The following NCAPG variants were observed in gnomAD, a reference collection of about 807,000 sequenced individuals.
NCAPG encodes condensin complex subunit 3.
NCAPG carries 69 observed loss-of-function variants against 113.1 expected under a neutral mutation model. The ratio of observed to expected loss-of-function variants is 0.61; its 90% CI spans 0.50 to 0.75. The LOEUF (loss-of-function observed/expected upper bound fraction) is 0.75. NCAPG is among the 30% of genes least tolerant of loss of function. NCAPG has a pLI of 0.00. For synonymous variants in NCAPG, 370 were observed against 415.8 expected (o/e 0.89, Z 1.34); for missense variants, 1,058 against 1,177.0 (o/e 0.90, Z 1.48).
rs1722669004 is a variant in NCAPG, at chr4:17,843,892, T to C, written c.*467T>C. The C allele has an allele frequency of 6.5e-6, 1 of 152,966 alleles. No homozygotes were observed. The highest frequency in any genetic ancestry group is 6.5e-5 in the Admixed American group (1 of 15,444). The allele number at this position is 152,966 out of a possible 1,614,324, so 9.5% of individuals were successfully genotyped here. ...ACCACAAACTGGCTAGAAAGGAGCT[T>C]ATCAATCACCAGTGAGGAAGACCAG... On this transcript the variant is annotated 3_prime_UTR_variant, in exon 21 of 21. Coordinates refer to ENST00000251496, the MANE Select transcript of NCAPG (RefSeq NM_022346.5).
At chr4:17,841,761 C>T (rs906615684) in intron 19 of NCAPG, 7 of 151,996 alleles carry the variant, frequency 4.6e-5, no homozygotes, top group African/African-American at 1.5e-4. Context: ...ATCTTATAAT[C>T]CCCAGTATAT....
intron 14 of NCAPG, among the ~76,000 whole-genome samples, chr4:17,835,758 T>C (rs778909573): frequency 3.9e-5 from 6 of 152,216 alleles, no homozygotes; most frequent in Non-Finnish European, 7.4e-5. Context: ...AAATTTAGCA[T>C]AACATTTTCG....
At chr4:17,842,478 T>TAA (rs1560236529) in intron 20 of NCAPG, 99 bp downstream of exon 20, 1 of 925,432 alleles carries the variant, frequency 1.1e-6, no homozygotes, top group Non-Finnish European at 1.7e-6. Flanking sequence ...AGAGAATATA[T>TAA]AACAAGATAG....
intron 19 of NCAPG, 84 bp from the exon 20 acceptor site, chr4:17,842,226 A>G (rs1722478865): frequency 1.7e-6 from 2 of 1,170,790 alleles, no homozygotes; most frequent in Admixed American, 1.8e-5. Flanking sequence ...GTTGAAGACA[A>G]AGGATTTAGT....
At chr4:17,816,081 TTAGAG>T (rs1424236999) in intron 5 of NCAPG, among the ~76,000 whole-genome samples, 7 of 151,780 alleles carry the variant, frequency 4.6e-5, no homozygotes, top group African/African-American at 1.5e-4. Flanking sequence ...TTTTTTTCTG[TTAGAG>T]TAGAGTTCCC....
chr4:17,822,914 A>G, intron 7 of NCAPG, 69 bp from the exon 8 acceptor site: 1 of 1,322,952 alleles, frequency 7.6e-7, no homozygotes, highest in Non-Finnish European at 1.0e-6. Context: ...TTTCTGACCT[A>G]ATGGTGGGAA....
Position 17,811,604 on chromosome 4 carries a change from G to T in NCAPG, c.111+416G>T, listed in dbSNP as rs1339598774. 6.6e-6 allele frequency among the ~76,000 whole-genome samples: 1 copy of T among 152,142 alleles called. No homozygotes were observed. The highest frequency in any genetic ancestry group is 1.5e-5 in the Non-Finnish European group (1 of 68,022). The stretch of plus-strand genomic sequence containing the variant: ...GCCCCTGGGGTCATCGCTCCCCGCC[G>T]AACATCAAATGATTCTACCCTTGTC... On this transcript the variant is annotated intron_variant, in intron 1 of 20. Coordinates refer to ENST00000251496, the MANE Select transcript of NCAPG (RefSeq NM_022346.5). The surrounding 1 kb of genome is among the most constrained non-coding windows in gnomAD (Gnocchi z 5.3).
chr4:17,811,193 G>A lies in NCAPG; in HGVS notation c.111+5G>A, dbSNP rs756557186. 13 of 1,464,970 alleles carry A rather than the reference G, an allele frequency of 8.9e-6. No individual in the cohort carries two copies. The highest frequency in any genetic ancestry group is 2.9e-5 in the African/African-American group (2 of 68,150). The allele number at this position is 1,464,970 out of a possible 1,614,324, so 90.7% of individuals were successfully genotyped here. On this transcript the variant is annotated splice_donor_5th_base_variant and intron_variant, in intron 1 of 20. Coordinates refer to ENST00000251496, the MANE Select transcript of NCAPG (RefSeq NM_022346.5). The surrounding 1 kb of genome is among the most constrained non-coding windows in gnomAD (Gnocchi z 5.3). ...CTGAGCCGCACCTACCGCACGGTAA[G>A]CGCTCCCGGCCCCGGCCGCCGCCTC...
chr4:17,837,377 GACATCAAATTCAAGTCC>G, intron 15 of NCAPG, 37 bp downstream of exon 15: 2 of 1,557,948 alleles, frequency 1.3e-6, no homozygotes, highest in South Asian at 2.4e-5. Context: ...AATCTGACTT[GACATCAAATTCAAGTCC>G]CCCATGAATT....
rs144539130 is a variant in NCAPG at position 17,844,424 on chromosome 4, T to A, written c.*999T>A. 46 of 152,512 alleles carry A rather than the reference T, an allele frequency of 3.0e-4. No homozygotes were observed. The highest frequency in any genetic ancestry group is 9.4e-4 in the African/African-American group (39 of 41,530). The allele number at this position is 152,512 out of a possible 1,614,324, so 9.4% of individuals were successfully genotyped here. ...TTATCATCTACTAGAGGCCATTTAC[T>A]TAAGGTGAAATTTTAAGATGGAGCT... On this transcript the variant is annotated 3_prime_UTR_variant, in exon 21 of 21. Coordinates refer to ENST00000251496, the MANE Select transcript of NCAPG (RefSeq NM_022346.5).
intron 20 of NCAPG, 130 bp downstream of exon 20, chr4:17,842,509 C>A: frequency 1.4e-6 from 1 of 728,850 alleles, no homozygotes; most frequent in South Asian, 1.8e-5. Flanking sequence ...AAATAGCTGT[C>A]TTAGGTATAT....
chr4:17,832,454 T>C (rs1223777026), intron 13 of NCAPG, among the ~76,000 whole-genome samples: 1 of 152,144 alleles, frequency 6.6e-6, no homozygotes, highest in Non-Finnish European at 1.5e-5. Context: ...ACTGGATGGA[T>C]GAATTTGCGT....
intron 13 of NCAPG, among the ~76,000 whole-genome samples, chr4:17,833,063 A>T (rs971818191): frequency 6.6e-6 from 1 of 152,154 alleles, no homozygotes; most frequent in Non-Finnish European, 1.5e-5. Flanking sequence ...TTATTTTACC[A>T]ATTACCTAAA....
chr4:17,818,146 C>A, intron 7 of NCAPG, 58 bp downstream of exon 7: 1 of 1,502,010 alleles, frequency 6.7e-7, no homozygotes, highest in Non-Finnish European at 8.9e-7. Context: ...TGTCAATCTC[C>A]CAGTCCCCTT....
chr4:17,817,854 ATCT>A, intron 6 of NCAPG, 82 bp from the exon 7 acceptor site: 1 of 1,357,716 alleles, frequency 7.4e-7, no homozygotes, highest in Non-Finnish European at 9.9e-7. Flanking sequence ...TTTAAAGCAA[ATCT>A]TATTATTCTC....
chr4:17,828,947 T>A (rs970068082), intron 12 of NCAPG, among the ~76,000 whole-genome samples: 9 of 143,274 alleles, frequency 6.3e-5, no homozygotes, highest in East Asian at 4.0e-4. Context: ...GCCACTGTTT[T>A]AAAAAAAAAA....
rs779399137 is a variant in NCAPG, at chr4:17,815,315, T to G, written c.732T>G (p.Ala244=). The change falls in exon 5 of 21, where the codon GCT becomes GCG. Residue 244 remains alanine (A), a synonymous_variant. Coordinates refer to ENST00000251496, the MANE Select transcript of NCAPG (RefSeq NM_022346.5). ...TTCATATGAGAGCTATGTCCATTGC[T>G]CAGAGAGTAATGCTCCTTCAACAAG... ...EKVHMRAMSI[A]QRVMLLQQGL... is the part of the protein sequence containing the mutation. 6.3e-7 allele frequency: 1 copy of G among 1,590,836 alleles called. No individual in the cohort carries two copies. Among genetic ancestry groups the G allele is most frequent in the Admixed American group, 1.9e-5 (1 of 51,356 alleles).
chr4:17,840,618 GA>G lies in NCAPG; in HGVS notation c.2781del (p.Val928TyrfsTer3). On this transcript the variant is annotated frameshift_variant, in exon 19 of 21. Coordinates refer to ENST00000251496, the MANE Select transcript of NCAPG (RefSeq NM_022346.5). LOFTEE classifies it high-confidence loss of function. ...TFQNEDEKNK[E>X]VYMTPLRGVK... ...ATTCCCTTTAATAGAAAAGAATAAA[GA>G]AGTATATATGACTCCACTCAGGGGT... 6.7e-7 allele frequency: 1 copy of G among 1,490,926 alleles called. No homozygotes were observed. Among genetic ancestry groups the G allele is most frequent in the Admixed American group, 2.3e-5 (1 of 42,658 alleles). The allele number at this position is 1,490,926 out of a possible 1,614,324, so 92.4% of individuals were successfully genotyped here. A position where few individuals can be genotyped will look rare whatever the true frequency, so the allele number is the denominator to read the frequency against.
In NCAPG at chr4:17,843,287, T is replaced by C. The variant is rs1294854967; in HGVS notation, c.2925-15T>C. 1 of 1,601,638 alleles carries C rather than the reference T, an allele frequency of 6.2e-7. No homozygotes were observed. The highest frequency in any genetic ancestry group is 1.1e-5 in the South Asian group (1 of 88,700). On this transcript the variant is annotated splice_polypyrimidine_tract_variant and intron_variant, in intron 20 of 20. Coordinates refer to ENST00000251496, the MANE Select transcript of NCAPG (RefSeq NM_022346.5). The stretch of plus-strand genomic sequence containing the variant: ...AGCTTGTATCTAAATTCGTGTATTT[T>C]CAACATCTATTTAGTGATCATGAAG...
Sources: gnomAD v4.1 joint callset for allele counts (sites outside exome capture counted in the v4.1 genomes callset) on GRCh38, gnomAD v4.1.1 for gene constraint, Gnocchi (gnomAD v3.1) non-coding constraint, MANE v1.5 for transcripts, NCBI Gene and HGNC (gene_info 2026-07-23, HGNC 2026-07-21) for gene names.